HMCN1: variants seen among roughly 807,000 people sequenced by gnomAD.
HMCN1 encodes the protein hemicentin 1.
In HMCN1, 321 loss-of-function variants were observed where a neutral mutation model predicts 625.9. That is an observed-to-expected ratio of 0.51 (90% CI 0.47 to 0.56). The LOEUF (loss-of-function observed/expected upper bound fraction) is 0.56, where lower values mean the gene tolerates loss of function less well. Among genes scored for constraint, HMCN1 ranks in the 20% least tolerant of loss-of-function variants. The pLI is 0.00. For synonymous variants in HMCN1, 2,425 were observed against 2,417.6 expected, an observed-to-expected ratio of 1.00 and a Z score of -0.09; for missense variants, 6,588 against 6,887.3, an observed-to-expected ratio of 0.96 and a Z score of 1.54.
chr1:185,854,836 A>G (rs1341338368), intron 2 of HMCN1, among the ~76,000 whole-genome samples: 1 of 151,920 alleles, frequency 6.6e-6, no homozygotes, highest in Non-Finnish European at 1.5e-5. Context: ...CATTTTGCCA[A>G]GAGAGGAAAT....
In HMCN1 at chr1:186,037,967, T is replaced by C; in HGVS notation, c.5783T>C (p.Leu1928Pro). The C allele has an allele frequency of 6.2e-7, 1 of 1,613,188 alleles. No individual in the cohort carries two copies. Among genetic ancestry groups the C allele is most frequent in the Non-Finnish European group, 8.5e-7 (1 of 1,179,276 alleles). ...PPSLEDAGKM[L>P]NETVLVSNPV... is the part of the protein sequence containing the mutation. ...AGTCTGGAAGATGCTGGAAAAATGC[T>C]GAATGAGACTGTGTTGGTGAGCAAC... Residue 1928 changes from leucine (L) to proline (P), a missense_variant, in exon 37 of 107, where the codon CTG (leucine) becomes CCG (proline). Physicochemically the swap from Leu to Pro is moderately conservative, Grantham distance 98. Transcript: ENST00000271588.
At chr1:185,941,458 A>G (rs1305725821) in intron 11 of HMCN1, among the ~76,000 whole-genome samples, 2 of 152,238 alleles carry the variant, frequency 1.3e-5, no homozygotes, top group Admixed American at 6.5e-5. Context: ...ACAAACATTC[A>G]TATTTGAAAG....
chr1:185,952,195 T>G (rs1275365757), intron 11 of HMCN1, among the ~76,000 whole-genome samples: 1 of 150,410 alleles, frequency 6.6e-6, no homozygotes. Flanking sequence ...TCCAGCCACC[T>G]TTTTAAGGGT....
intron 4 of HMCN1, among the ~76,000 whole-genome samples, chr1:185,896,226 G>A (rs772211372): frequency 1.3e-5 from 2 of 152,066 alleles, no homozygotes; most frequent in Non-Finnish European, 2.9e-5. Context: ...ATGAGCCACC[G>A]CGCCCGGCCA....
At chr1:185,815,075 G>A (rs1484798460) in intron 1 of HMCN1, among the ~76,000 whole-genome samples, 1 of 150,212 alleles carries the variant, frequency 6.7e-6, no homozygotes, top group Admixed American at 6.6e-5. Context: ...AACAATGTCC[G>A]GTTAGACAAG....
At chr1:185,889,643 C>A (rs1380282136) in intron 4 of HMCN1, among the ~76,000 whole-genome samples, 2 of 138,464 alleles carry the variant, frequency 1.4e-5, no homozygotes, top group Non-Finnish European at 3.0e-5. Context: ...ACCAGCCTTG[C>A]ATCCCAGGGA....
intron 97 of HMCN1, among the ~76,000 whole-genome samples, chr1:186,160,687 T>A (rs1472268290): frequency 6.6e-6 from 1 of 152,236 alleles, no homozygotes; most frequent in Admixed American, 6.5e-5. Context: ...TACCCAGTAG[T>A]CATTCAGGAG....
In HMCN1 at chr1:186,185,190, T is replaced by A. The variant is rs1187333396; in HGVS notation, c.16415-2693T>A. ...AATAACAACTTACTATGCACACTGA[T>A]GTGCGTCCACCTTCTAGTCTCCACA... On this transcript the variant is annotated intron_variant, in intron 105 of 106. Transcript: ENST00000271588. 3.3e-5 allele frequency among the ~76,000 whole-genome samples: 5 copies of A among 152,224 alleles called. No homozygotes were observed. In the East Asian group the frequency reaches 9.6e-4, roughly 29 times the overall value.
chr1:185,970,915 C>T (rs1650773963), intron 15 of HMCN1, among the ~76,000 whole-genome samples: 1 of 152,126 alleles, frequency 6.6e-6, no homozygotes, highest in South Asian at 2.1e-4. Context: ...CCACCTCAGC[C>T]TCCCAAAGTG....
rs189671723 is a variant in HMCN1 at position 186,178,665 on chromosome 1, A to C, written c.16193A>C (p.Tyr5398Ser). ...YRQYSHLYSS[Y>S]SEYRNSRTSL... ...CAGTACTCACATCTCTACAGCTCCT[A>C]CTCAGAGTATAGAAACAGCAGAACA... Residue 5398 changes from tyrosine (Y) to serine (S), a missense_variant, in exon 104 of 107, where the codon TAC (tyrosine) becomes TCC (serine). Tyr to Ser is a moderately radical substitution (Grantham distance 144). Transcript: ENST00000271588. The C allele has an allele frequency of 9.3e-6, 15 of 1,613,954 alleles. No homozygotes were observed. The East Asian group carries it at 3.1e-4, about 34-fold the overall frequency.
intron 1 of HMCN1, among the ~76,000 whole-genome samples, chr1:185,840,530 C>T (rs1331791943): frequency 2.6e-5 from 4 of 152,154 alleles, no homozygotes; most frequent in Non-Finnish European, 5.9e-5. Flanking sequence ...CATATCCCAA[C>T]TCATACCCTG....
At chr1:186,060,262 C>T (rs1442644847) in intron 46 of HMCN1, among the ~76,000 whole-genome samples, 1 of 152,042 alleles carries the variant, frequency 6.6e-6, no homozygotes, top group Non-Finnish European at 1.5e-5. Context: ...AAACCAGACC[C>T]AGGTGAACAT....
chr1:186,173,649 A>AAAAC (rs1553309870), intron 102 of HMCN1, among the ~76,000 whole-genome samples: 2 of 151,066 alleles, frequency 1.3e-5, no homozygotes, highest in Non-Finnish European at 2.9e-5. Context: ...TCAAAAAAAA[A>AAAAC]AAAAAAGAAA....
At chr1:186,154,040 A>T in intron 97 of HMCN1, 53 bp downstream of exon 97, 1 of 1,417,406 alleles carries the variant, frequency 7.1e-7, no homozygotes, top group South Asian at 1.2e-5. Flanking sequence ...CTAAAGGGTT[A>T]AAAAAATTCA....
At chr1:186,080,706 C>T (rs1379571778) in intron 55 of HMCN1, among the ~76,000 whole-genome samples, 1 of 152,144 alleles carries the variant, frequency 6.6e-6, no homozygotes, top group Non-Finnish European at 1.5e-5. Context: ...ATGCTGATAC[C>T]ACTGGTGCTG....
rs114158689 is a variant in HMCN1, at chr1:185,798,836, G to A, written c.269-47190G>A. Among the ~76,000 whole-genome samples, 1,276 of 151,868 alleles carry A rather than the reference G, an allele frequency of 8.4e-3. 15 individuals carry two copies. The highest frequency in any genetic ancestry group is 0.03 in the African/African-American group (1,239 of 41,436). On this transcript the variant is annotated intron_variant, in intron 1 of 106. Transcript: ENST00000271588. ...CCAACTTTCTCTTGGATCTCATTGA[G>A]CTTTTTGAAAATCAACATTTTGAAT...
chr1:185,938,155 TAGG>T (rs1355487151), intron 11 of HMCN1, among the ~76,000 whole-genome samples: 1 of 152,062 alleles, frequency 6.6e-6, no homozygotes, highest in African/African-American at 2.4e-5. Context: ...CTAAAATTTA[TAGG>T]AGTTTAGGAA....
At position 186,019,578 on chromosome 1, in the gene HMCN1, A is replaced by T. The variant is rs1281887364; in HGVS notation, c.5508A>T (p.Arg1836Ser). Reference sequence around the variant, plus strand: ...TCAAGTCCTCAGGCCTTTCTGAGAGAGTTGTGGTAAAATACAAGCCTGTCG... The same window carrying T: ...TCAAGTCCTCAGGCCTTTCTGAGAGTGTTGTGGTAAAATACAAGCCTGTCG... ...PTIKSSGLSE[R>S]VVVKYKPVAL... is the part of the protein sequence containing the mutation. Residue 1836 changes from arginine (R) to serine (S), a missense_variant, in exon 35 of 107, where the codon AGA (arginine) becomes AGT (serine). Transcript: ENST00000271588. 3.7e-6 allele frequency: 6 copies of T among 1,610,496 alleles called. No individual in the cohort carries two copies. Among genetic ancestry groups the T allele is most frequent in the Non-Finnish European group, 5.1e-6 (6 of 1,177,182 alleles).
Position 186,088,135 on chromosome 1 carries a change from T to G in HMCN1, c.9446-10T>G, listed in dbSNP as rs753374697. 6.2e-7 allele frequency: 1 copy of G among 1,604,102 alleles called. No homozygotes were observed. The highest frequency in any genetic ancestry group is 1.1e-5 in the South Asian group (1 of 90,196). On this transcript the variant is annotated splice_polypyrimidine_tract_variant and intron_variant, in intron 61 of 106. Transcript: ENST00000271588. The stretch of plus-strand genomic sequence containing the variant: ...GTTTTTTTGTTTGTTTGTTTGTTTG[T>G]TTTTTACAGTGCCACCCAGTATTGA...
Sources: allele counts gnomAD v4.1 joint callset (sites outside exome capture counted in the v4.1 genomes callset), GRCh38; gene constraint gnomAD v4.1.1; transcripts MANE v1.5; gene names NCBI Gene and HGNC (gene_info 2026-07-23, HGNC 2026-07-21).